The following GALNTL6 variants were observed in gnomAD, a reference collection of about 807,000 sequenced individuals.
The protein encoded by GALNTL6 is polypeptide N-acetylgalactosaminyltransferase like 6.
A neutral mutation model predicts 73.7 loss-of-function variants in GALNTL6; 46 were observed. That is an observed-to-expected ratio of 0.62 (90% CI 0.49 to 0.80). The LOEUF is 0.80. Among genes scored for constraint, GALNTL6 ranks in the 30% least tolerant of loss-of-function variants. GALNTL6 has a pLI of 0.00. For synonymous variants in GALNTL6, 259 were observed against 263.7 expected (o/e 0.98, Z 0.17); for missense variants, 604 against 755.0 (o/e 0.80, Z 2.34).
chr4:172,927,049 T>A (rs1219006848), intron 8 of GALNTL6, among the ~76,000 whole-genome samples: 1 of 152,214 alleles, frequency 6.6e-6, no homozygotes, highest in Non-Finnish European at 1.5e-5. Context: ...TCACCCAGTT[T>A]TCAGCAACCC....
chr4:172,601,519 C>T (rs1036332034), intron 5 of GALNTL6, among the ~76,000 whole-genome samples: 1 of 152,148 alleles, frequency 6.6e-6, no homozygotes, highest in Non-Finnish European at 1.5e-5. Context: ...TCCTCTCTCA[C>T]GATGGATCAC....
intron 2 of GALNTL6, among the ~76,000 whole-genome samples, chr4:171,906,846 A>G (rs1158212629): frequency 1.1e-4 from 16 of 152,226 alleles, no homozygotes; most frequent in Non-Finnish European, 7.3e-5. Flanking sequence ...CAATATACAC[A>G]AATCAATAAA....
chr4:172,753,947 A>G (rs1204972667), intron 5 of GALNTL6, among the ~76,000 whole-genome samples: 1 of 152,190 alleles, frequency 6.6e-6, no homozygotes, highest in Non-Finnish European at 1.5e-5. Flanking sequence ...AGAGATAGGT[A>G]TAGGAGAGAG....
At chr4:171,997,469 C>T (rs186923659) in intron 2 of GALNTL6, among the ~76,000 whole-genome samples, 3 of 152,130 alleles carry the variant, frequency 2.0e-5, no homozygotes, top group Non-Finnish European at 4.4e-5. Context: ...AGCATCATAG[C>T]TTACCCTTAA....
chr4:173,038,098 G>C (rs9637676), intron 12 of GALNTL6, among the ~76,000 whole-genome samples: 56,383 of 152,088 alleles, frequency 0.37, 11,478 homozygotes, highest in Non-Finnish European at 0.47. Context: ...AGTGAAGAGG[G>C]GGCAAGAAGT....
At chr4:172,605,006 A>G (rs1579233837) in intron 5 of GALNTL6, among the ~76,000 whole-genome samples, 1 of 152,340 alleles carries the variant, frequency 6.6e-6, no homozygotes, top group South Asian at 2.1e-4. Flanking sequence ...TTGAAGGAGC[A>G]CCTCAGACAC....
chr4:172,388,776 A>G (rs1743560825), intron 5 of GALNTL6, among the ~76,000 whole-genome samples: 1 of 152,088 alleles, frequency 6.6e-6, no homozygotes, highest in African/African-American at 2.4e-5. Context: ...CCTCCTATGT[A>G]GGATATCTAA....
At chr4:172,499,009 T>C (rs1734167843) in intron 5 of GALNTL6, among the ~76,000 whole-genome samples, 2 of 152,276 alleles carry the variant, frequency 1.3e-5, no homozygotes, top group South Asian at 2.1e-4. Flanking sequence ...GATGAAGCCA[T>C]GCAAGGTGGG....
intron 5 of GALNTL6, among the ~76,000 whole-genome samples, chr4:172,387,995 G>C (rs1436711953): frequency 6.6e-6 from 1 of 151,906 alleles, no homozygotes; most frequent in Non-Finnish European, 1.5e-5. Flanking sequence ...TTTTAAAGCA[G>C]TCATACCTTT....
intron 5 of GALNTL6, among the ~76,000 whole-genome samples, chr4:172,487,299 TG>T (rs1733712129): frequency 1.2e-5 from 1 of 83,672 alleles, no homozygotes; most frequent in Non-Finnish European, 2.5e-5. Flanking sequence ...TCTTTCCTTC[TG>T]TCTTTCTTTC....
rs765197133 is a variant in GALNTL6, at chr4:172,882,898, C to T, written c.1032C>T (p.Ile344=). ...TCTGGGGAGGAGAACAGTATGAAAT[C>T]TCTTTTAAGGTAAGCCCCAAGACCC... ...LEIWGGEQYE[I]SFKVWMCGGE... Residue 344 remains isoleucine, a synonymous_variant, in exon 8 of 13, where the codon ATC becomes ATT. Transcript: ENST00000506823. The T allele has an allele frequency of 6.4e-7, 1 of 1,571,316 alleles. No individual in the cohort carries two copies. The highest frequency in any genetic ancestry group is 2.2e-5 in the East Asian group (1 of 44,612).
intron 8 of GALNTL6, among the ~76,000 whole-genome samples, chr4:172,886,799 C>T (rs1745746855): frequency 6.6e-6 from 1 of 151,922 alleles, no homozygotes; most frequent in Non-Finnish European, 1.5e-5. Flanking sequence ...GTTCATTGAT[C>T]TTTTGTATTA....
At chr4:172,591,523 G>A (rs541330416) in intron 5 of GALNTL6, among the ~76,000 whole-genome samples, 1 of 152,212 alleles carries the variant, frequency 6.6e-6, no homozygotes, top group Non-Finnish European at 1.5e-5. Flanking sequence ...TTTAGTTTCT[G>A]AAAAATGAAT....
chr4:172,083,226 A>G (rs1404266671), intron 2 of GALNTL6, among the ~76,000 whole-genome samples: 1 of 152,148 alleles, frequency 6.6e-6, no homozygotes, highest in East Asian at 1.9e-4. Flanking sequence ...CTGAATTGTA[A>G]TTGTAAAATC....
At chr4:172,303,256 C>T (rs938441751) in intron 3 of GALNTL6, among the ~76,000 whole-genome samples, 2 of 152,132 alleles carry the variant, frequency 1.3e-5, no homozygotes, top group African/African-American at 4.8e-5. Flanking sequence ...TCTCAGCCTC[C>T]CAAAGTGCTG....
At chr4:172,089,262 AT>A (rs1342892051) in intron 2 of GALNTL6, among the ~76,000 whole-genome samples, 1 of 152,202 alleles carries the variant, frequency 6.6e-6, no homozygotes, top group Non-Finnish European at 1.5e-5. Context: ...GTCTGGAGTC[AT>A]CTATAAACTA....
At chr4:172,146,525 T>C (rs184958633) in intron 2 of GALNTL6, among the ~76,000 whole-genome samples, 123 of 152,346 alleles carry the variant, frequency 8.1e-4, no homozygotes, top group Non-Finnish European at 1.2e-3. Context: ...CTACTAGTTT[T>C]CTGCATAATT....
Position 171,954,544 on chromosome 4 carries a change from A to C in GALNTL6, c.138+139826A>C, listed in dbSNP as rs554001599. Among the ~76,000 whole-genome samples, 3 of 152,350 alleles carry C rather than the reference A, an allele frequency of 2.0e-5. No individual in the cohort carries two copies. The South Asian group carries it at 6.2e-4, about 32-fold the overall frequency. ...AAATATGCAAAATTAAGAAATACAC[A>C]AGGGAGAAGTGGGGAAGAGATTATA... On this transcript the variant is annotated intron_variant, in intron 2 of 12. Coordinates refer to ENST00000506823, the MANE Select transcript of GALNTL6 (RefSeq NM_001034845.3).
At chr4:172,720,225 C>T (rs907197364) in intron 5 of GALNTL6, among the ~76,000 whole-genome samples, 3 of 152,064 alleles carry the variant, frequency 2.0e-5, no homozygotes, top group African/African-American at 7.2e-5. Flanking sequence ...CGTCCAATGG[C>T]CATGAAAATT....
Sources: gnomAD v4.1 joint callset for allele counts (sites outside exome capture counted in the v4.1 genomes callset) on GRCh38, gnomAD v4.1.1 for gene constraint, MANE v1.5 for transcripts, NCBI Gene and HGNC (gene_info 2026-07-23, HGNC 2026-07-21) for gene names.